The following TNKS1BP1 variants were observed in gnomAD, a reference collection of about 807,000 sequenced individuals.
TNKS1BP1 encodes CCR4-NOT transcription complex subunit 12.
TNKS1BP1 carries 48 observed loss-of-function variants against 141.1 expected under a neutral mutation model. The observed-to-expected ratio is 0.34, with a 90% CI of 0.27 to 0.43. TNKS1BP1 has a LOEUF of 0.43. TNKS1BP1 is among the 20% of genes least tolerant of loss of function. The pLI, the probability that TNKS1BP1 is intolerant of heterozygous loss-of-function variation, is 1.00. For synonymous variants in TNKS1BP1, 875 were observed against 898.2 expected (o/e 0.97, Z 0.46); for missense variants, 2,149 against 2,226.0 (o/e 0.97, Z 0.70).
At chr11:57,300,646 C>T in intron 10 of TNKS1BP1, 46 bp from the exon 11 acceptor site, 1 of 1,611,454 alleles carries the variant, frequency 6.2e-7, no homozygotes, top group Non-Finnish European at 8.5e-7. Context: ...TTTGAGGAAA[C>T]TGAACACAAC....
At position 57,313,639 on chromosome 11, in the gene TNKS1BP1, TGGC is replaced by T; in HGVS notation, c.1046_1048del (p.Arg349del). Reference sequence around the variant, plus strand: ...GGCAGGGAGCCCCGGGCTGGGGGTGTGGCGGGAGCCCTCGTCAGGCAGGGCTGC... The same window carrying T: ...GGCAGGGAGCCCCGGGCTGGGGGTGTGGGAGCCCTCGTCAGGCAGGGCTGC... On this transcript the variant is annotated inframe_deletion, in exon 5 of 12. Transcript: ENST00000358252. 1 of 1,563,298 alleles carries T rather than the reference TGGC, an allele frequency of 6.4e-7. No homozygotes were observed. The highest frequency in any genetic ancestry group is 8.7e-7 in the Non-Finnish European group (1 of 1,154,306).
At position 57,313,443 on chromosome 11, in the gene TNKS1BP1, G is replaced by A. The variant is rs34177110; in HGVS notation, c.1245C>T (p.Asp415=). 0.043 allele frequency: 69,406 copies of A among 1,605,540 alleles called. 1,823 individuals are homozygous for A. Among genetic ancestry groups the A allele is most frequent in the South Asian group, 0.047 (4,257 of 90,094 alleles). The change falls in exon 5 of 12, where the codon GAC becomes GAT. Residue 415 remains aspartate, a synonymous_variant. Transcript: ENST00000358252. ...PSGGEEEAKG[D]AHLRPTSLVQ... is the part of the protein sequence containing the mutation. ...CCAGGCTGGTGGGGCGGAGGTGTGC[G>A]TCACCCTTGGCCTCCTCCTCCCCGC...
At position 57,312,773 on chromosome 11, in the gene TNKS1BP1, C is replaced by T; in HGVS notation, c.1915G>A (p.Glu639Lys). 6.2e-7 allele frequency: 1 copy of T among 1,607,256 alleles called. No homozygotes were observed. Among genetic ancestry groups the T allele is most frequent in the Non-Finnish European group, 8.5e-7 (1 of 1,176,144 alleles). ...TCAACAGGCAGTGCCTGTCCAGGCT[C>T]AGGGGCATCAGCAAAGAGAACACAG... ...QPCVLFADAPEPGQALPVEEE... is the reference protein window; with the variant it reads ...QPCVLFADAPKPGQALPVEEE... The change falls in exon 5 of 12, where the codon GAG (glutamate) becomes AAG (lysine). Residue 639 changes from glutamate to lysine, a missense_variant. Glu to Lys is a moderately conservative substitution (Grantham distance 56). Coordinates refer to ENST00000358252, the MANE Select transcript of TNKS1BP1 (RefSeq NM_033396.3).
rs149766641 is a variant in TNKS1BP1 at position 57,312,756 on chromosome 11, C to T, written c.1932G>A (p.Leu644=). The change falls in exon 5 of 12, where the codon CTG becomes CTA. Residue 644 remains leucine, a synonymous_variant. Transcript: ENST00000358252. ...FADAPEPGQA[L]PVEEEAVTLA... ...GGGTCACGGCCTCCTCCTCAACAGG[C>T]AGTGCCTGTCCAGGCTCAGGGGCAT... The T allele has an allele frequency of 1.3e-5, 21 of 1,597,382 alleles. No homozygotes were observed. Among genetic ancestry groups the T allele is most frequent in the African/African-American group, 4.0e-5 (3 of 74,654 alleles).
At chr11:57,322,487 A>T (rs1465560538) in intron 1 of TNKS1BP1, among the ~76,000 whole-genome samples, 1 of 150,114 alleles carries the variant, frequency 6.7e-6, no homozygotes, top group Non-Finnish European at 1.5e-5. Context: ...CTCCTTCCAC[A>T]TCCCTGCCCC....
At chr11:57,311,358 G>C in intron 5 of TNKS1BP1, 2 of 985,726 alleles carry the variant, frequency 2.0e-6, no homozygotes, top group Non-Finnish European at 2.4e-6. Context: ...CCCCAGGCTG[G>C]GCCATGGCCC....
At position 57,304,872 on chromosome 11, in the gene TNKS1BP1, CAAAAAA is replaced by C. The variant is rs35084894; in HGVS notation, c.4317-2053_4317-2048del. 4.9e-3 allele frequency among the ~76,000 whole-genome samples: 353 copies of C among 72,728 alleles called. 1 individual carries two copies. Among genetic ancestry groups the C allele is most frequent in the Non-Finnish European group, 6.7e-3 (277 of 41,572 alleles). The allele number at this position is 72,728 out of a possible 152,430, so 47.7% of individuals were successfully genotyped here. A position where few individuals can be genotyped will look rare whatever the true frequency, so the allele number is the denominator to read the frequency against. ...AGGCAACAAGAGCAAAACTCCGTCTCAAAAAAAAAAAAAAAAAAAAAAATCCACTCC... is the reference window on the plus strand; with the variant it reads ...AGGCAACAAGAGCAAAACTCCGTCTCAAAAAAAAAAAAAAAAATCCACTCC... On this transcript the variant is annotated intron_variant, in intron 6 of 11. Coordinates refer to ENST00000358252, the MANE Select transcript of TNKS1BP1 (RefSeq NM_033396.3).
chr11:57,322,069 A>C, intron 1 of TNKS1BP1, 119 bp from the exon 2 acceptor site: 5 of 160,730 alleles, frequency 3.1e-5, no homozygotes, highest in Non-Finnish European at 3.4e-5. Context: ...GAGAACTTGG[A>C]GTGGGGGGGG....
chr11:57,312,426 A>G (rs1855726639), intron 5 of TNKS1BP1, 108 bp downstream of exon 5: 1 of 1,283,602 alleles, frequency 7.8e-7, no homozygotes, highest in African/African-American at 1.5e-5. Flanking sequence ...CTTGCTCACT[A>G]CCACAGCCCA....
Position 57,324,872 on chromosome 11 carries a change from G to C in TNKS1BP1, c.-98C>G, listed in dbSNP as rs1480178061. The C allele has an allele frequency of 6.1e-6, 6 of 988,182 alleles. No individual in the cohort carries two copies. The South Asian group carries it at 2.3e-4, about 37-fold the overall frequency. The allele number at this position is 988,182 out of a possible 1,614,324, so 61.2% of individuals were successfully genotyped here. A position where few individuals can be genotyped will look rare whatever the true frequency, so the allele number is the denominator to read the frequency against. ...CCCGGGGTCCGGCTCCGCTCGGCTC[G>C]GGGCCCCGATGCCAGTCCCCGCCGC... On this transcript the variant is annotated 5_prime_UTR_variant, in exon 1 of 12. Coordinates refer to ENST00000358252, the MANE Select transcript of TNKS1BP1 (RefSeq NM_033396.3).
chr11:57,302,617 G>A lies in TNKS1BP1; in HGVS notation c.4525C>T (p.Pro1509Ser), dbSNP rs1287022176. 6.2e-7 allele frequency: 1 copy of A among 1,612,176 alleles called. No homozygotes were observed. The highest frequency in any genetic ancestry group is 8.5e-7 in the Non-Finnish European group (1 of 1,179,716). The change falls in exon 7 of 12, where the codon CCG (proline) becomes TCG (serine). Residue 1509 changes from proline (P) to serine (S), a missense_variant. By Grantham distance (74) the Pro-to-Ser change is moderately conservative. Transcript: ENST00000358252. The surrounding 1 kb of genome is among the most constrained non-coding windows in gnomAD (Gnocchi z 5.5). ...TGGCTGGCCTCACCATCAGGCTGCG[G>A]CCTCCAGGAGGGTGGAGAGTCCCTG... ...PGRDSPPSWR[P>S]QPDGEASQTE...
At chr11:57,301,166 T>TGGGGTGAAAGGA in intron 9 of TNKS1BP1, 125 bp from the exon 10 acceptor site, 2 of 1,053,516 alleles carry the variant, frequency 1.9e-6, no homozygotes, top group Non-Finnish European at 2.6e-6. Flanking sequence ...TGCAGTCCTT[T>TGGGGTGAAAGGA]CACCCCAAAG....
At chr11:57,305,569 G>T (rs1248798705) in intron 6 of TNKS1BP1, among the ~76,000 whole-genome samples, 1 of 152,104 alleles carries the variant, frequency 6.6e-6, no homozygotes, top group Non-Finnish European at 1.5e-5. Context: ...ATGAGGGAGG[G>T]GTGAAGCTGG....
intron 11 of TNKS1BP1, 94 bp downstream of exon 11, chr11:57,300,434 G>A (rs1590572505): frequency 8.8e-7 from 1 of 1,132,350 alleles, no homozygotes; most frequent in East Asian, 2.4e-5. Flanking sequence ...ACAGAAAGGG[G>A]TGGGAGCTAA....
chr11:57,324,573 G>A (rs1228624404), intron 1 of TNKS1BP1, among the ~76,000 whole-genome samples: 4 of 47,714 alleles, frequency 8.4e-5, no homozygotes, highest in East Asian at 1.2e-3. Context: ...CCCGCCCCAA[G>A]CCCTCGCCCC....
chr11:57,300,406 T>C, intron 11 of TNKS1BP1, 122 bp downstream of exon 11: 1 of 877,738 alleles, frequency 1.1e-6, no homozygotes, highest in Non-Finnish European at 1.8e-6. Context: ...TGGCTTCACC[T>C]GCTGTTTCTA....
chr11:57,312,989 C>G lies in TNKS1BP1; in HGVS notation c.1699G>C (p.Val567Leu), dbSNP rs1855737548. 6.2e-7 allele frequency: 1 copy of G among 1,613,926 alleles called. No individual in the cohort carries two copies. The highest frequency in any genetic ancestry group is 8.5e-7 in the Non-Finnish European group (1 of 1,180,022). ...DGESQPQFPAVPLEPLPTTEG... is the reference protein window; with the variant it reads ...DGESQPQFPALPLEPLPTTEG... The stretch of plus-strand genomic sequence containing the variant: ...GTTGTAGGCAGGGGCTCAAGGGGAA[C>G]AGCTGGGAATTGAGGTTGACTCTCC... The change falls in exon 5 of 12, where the codon GTT becomes CTT. Residue 567 changes from valine (V) to leucine (L), a missense_variant. By Grantham distance (32) the Val-to-Leu change is conservative. Coordinates refer to ENST00000358252, the MANE Select transcript of TNKS1BP1 (RefSeq NM_033396.3).
intron 4 of TNKS1BP1, among the ~76,000 whole-genome samples, chr11:57,315,902 A>G (rs1242447402): frequency 6.6e-6 from 1 of 151,686 alleles, no homozygotes; most frequent in Non-Finnish European, 1.5e-5. Context: ...TCTCTACTGG[A>G]TCATTTCCAT....
At chr11:57,301,177 G>A in intron 9 of TNKS1BP1, 136 bp from the exon 10 acceptor site, 3 of 942,004 alleles carry the variant, frequency 3.2e-6, no homozygotes, top group Non-Finnish European at 4.6e-6. Context: ...CACCCCAAAG[G>A]ATGGGAAGTC....
Sources: allele counts gnomAD v4.1 joint callset (sites outside exome capture counted in the v4.1 genomes callset), GRCh38; gene constraint gnomAD v4.1.1; non-coding constraint Gnocchi (gnomAD v3.1); transcripts MANE v1.5; gene names NCBI Gene and HGNC (gene_info 2026-07-23, HGNC 2026-07-21).